SHTN1: variants seen among roughly 807,000 people sequenced by gnomAD.
The protein encoded by SHTN1 is shootin 1, also known as shootin-1.
A neutral mutation model predicts 83.1 loss-of-function variants in SHTN1; 42 were observed. The ratio of observed to expected loss-of-function variants is 0.51; its 90% CI spans 0.39 to 0.65. SHTN1 has a LOEUF of 0.65. SHTN1 is among the 30% of genes least tolerant of loss of function. The probability of loss-of-function intolerance (pLI) is 0.00; values close to 1 mark genes in which losing one functional copy is unlikely to be tolerated. For missense variants in SHTN1, 622 were observed against 737.8 expected, an observed-to-expected ratio of 0.84 and a Z score of 1.82; for synonymous variants, 224 against 247.7, an observed-to-expected ratio of 0.90 and a Z score of 0.90.
intron 1 of SHTN1, among the ~76,000 whole-genome samples, chr10:117,116,398 A>G (rs2133642892): frequency 6.6e-6 from 1 of 152,304 alleles, no homozygotes; most frequent in South Asian, 2.1e-4. Context: ...ACCAGTAACA[A>G]GTAATGAGAT....
intron 1 of SHTN1, among the ~76,000 whole-genome samples, chr10:117,003,144 A>T (rs1429881298): frequency 6.6e-6 from 1 of 152,090 alleles, no homozygotes; most frequent in Non-Finnish European, 1.5e-5. Context: ...AACCATAAGA[A>T]GATCTGATAT....
At position 116,960,220 on chromosome 10, in the gene SHTN1, C is replaced by T; in HGVS notation, c.183G>A (p.Met61Ile). 6.3e-7 allele frequency: 1 copy of T among 1,595,262 alleles called. No homozygotes were observed. ...KLEEFQKISH[M>I]VIEEVNFMQN... ...GCATGAAATTAACTTCCTCTATGAC[C>T]ATGTGAGAAACTAGGAATGAGGGGG... The change falls in exon 4 of 17, where the codon ATG becomes ATA. Residue 61 changes from methionine (M) to isoleucine (I), a missense_variant. Around this residue, in one of 3 missense-constraint regions of SHTN1, gnomAD observed 383 missense variants for 455.8 expected, o/e 0.84. Transcript: ENST00000355371.
intron 1 of SHTN1, among the ~76,000 whole-genome samples, chr10:117,055,826 C>A (rs1009092483): frequency 6.6e-6 from 1 of 152,176 alleles, no homozygotes; most frequent in Non-Finnish European, 1.5e-5. Flanking sequence ...TGTGGTCATG[C>A]CACTGTACTA....
chr10:117,039,374 A>G (rs1447348016), intron 2 of SHTN1, among the ~76,000 whole-genome samples: 1 of 152,154 alleles, frequency 6.6e-6, no homozygotes, highest in Non-Finnish European at 1.5e-5. Flanking sequence ...TAGGGCAGGG[A>G]CTTTACTCTG....
At position 117,103,398 on chromosome 10, in the gene SHTN1, T is replaced by G. The variant is rs556671124; in HGVS notation, c.-189+22909A>C. 5.3e-5 allele frequency among the ~76,000 whole-genome samples: 8 copies of G among 152,112 alleles called. No individual in the cohort carries two copies. The South Asian group carries it at 1.7e-3, about 32-fold the overall frequency. On this transcript the variant is annotated intron_variant, in intron 1 of 17. Transcript: ENST00000392901. ...GAGCCACCACACCCAGCCTCGTTGTTCATTTTTTACCTGACAGAAACAGAA... is the reference window on the plus strand; with the variant it reads ...GAGCCACCACACCCAGCCTCGTTGTGCATTTTTTACCTGACAGAAACAGAA...
chr10:116,921,511 A>C lies in SHTN1; in HGVS notation c.1118T>G (p.Leu373Arg). 6.2e-7 allele frequency: 1 copy of C among 1,612,612 alleles called. No individual in the cohort carries two copies. The highest frequency in any genetic ancestry group is 8.5e-7 in the Non-Finnish European group (1 of 1,179,322). ...GGATCGTTTCCGGATCATGGACATG[A>C]GGGATCTTTGGGAGAAAGAAAAAGA... ...PPPPPNPIRS[L>R]MSMIRKRSHP... The change falls in exon 12 of 17, where the codon CTC becomes CGC. Residue 373 changes from leucine (L) to arginine (R), a missense_variant. Leu to Arg is a moderately radical substitution (Grantham distance 102, BLOSUM62 -2). This residue lies in a region of SHTN1 where 383 missense variants were observed against 455.8 expected (regional missense o/e 0.84). Transcript: ENST00000355371.
At chr10:117,084,580 C>A (rs1282530511) in intron 1 of SHTN1, among the ~76,000 whole-genome samples, 2 of 152,184 alleles carry the variant, frequency 1.3e-5, no homozygotes, top group African/African-American at 2.4e-5. Flanking sequence ...TCGAGCTTCC[C>A]GGCTGCTTTG....
intron 1 of SHTN1, among the ~76,000 whole-genome samples, chr10:116,982,834 C>T (rs539394095): frequency 1.5e-4 from 23 of 152,134 alleles, no homozygotes; most frequent in South Asian, 4.2e-4. Flanking sequence ...TGGCAGCACA[C>T]GCCTGTAATC....
chr10:117,085,003 C>G (rs572510670), intron 1 of SHTN1, among the ~76,000 whole-genome samples: 1 of 152,072 alleles, frequency 6.6e-6, no homozygotes. Context: ...TCTTCTGGGT[C>G]GCTCAGGCTG....
intron 1 of SHTN1, among the ~76,000 whole-genome samples, chr10:117,049,145 T>C (rs1340982276): frequency 2.6e-5 from 4 of 152,102 alleles, no homozygotes; most frequent in African/African-American, 9.7e-5. Context: ...GAGTGATCAA[T>C]GGAAAGGGAC....
At chr10:117,087,211 C>A (rs1853364117) in intron 1 of SHTN1, among the ~76,000 whole-genome samples, 1 of 152,082 alleles carries the variant, frequency 6.6e-6, no homozygotes, top group Admixed American at 6.6e-5. Flanking sequence ...GATAATTATA[C>A]AACATTATGA....
At chr10:117,067,092 T>C (rs1376288630) in intron 1 of SHTN1, among the ~76,000 whole-genome samples, 1 of 152,144 alleles carries the variant, frequency 6.6e-6, no homozygotes, top group African/African-American at 2.4e-5. Context: ...GGGCAACATA[T>C]ACATATGCCT....
At chr10:116,997,492 C>T (rs1055556476) in intron 1 of SHTN1, among the ~76,000 whole-genome samples, 2 of 152,138 alleles carry the variant, frequency 1.3e-5, no homozygotes, top group African/African-American at 2.4e-5. Context: ...AGACTTTACT[C>T]ATTTTTATGA....
chr10:117,023,961 A>G (rs1485841130), intron 2 of SHTN1: 4 of 152,674 alleles, frequency 2.6e-5, no homozygotes, highest in African/African-American at 9.6e-5. Flanking sequence ...TGAACAGAGT[A>G]ATATGAATTG....
At chr10:117,086,798 A>C (rs986093895) in intron 1 of SHTN1, among the ~76,000 whole-genome samples, 1 of 152,238 alleles carries the variant, frequency 6.6e-6, no homozygotes, top group Non-Finnish European at 1.5e-5. Context: ...AGATACGTGG[A>C]CAGCAATGTT....
At chr10:116,982,703 T>TC (rs1851069517) in intron 1 of SHTN1, among the ~76,000 whole-genome samples, 1 of 152,108 alleles carries the variant, frequency 6.6e-6, no homozygotes, top group South Asian at 2.1e-4. Flanking sequence ...ACGCCTGTAA[T>TC]CCCAACATGT....
chr10:116,901,654 T>A, intron 16 of SHTN1, 111 bp downstream of exon 16: 3 of 1,355,062 alleles, frequency 2.2e-6, no homozygotes, highest in Non-Finnish European at 2.8e-6. Flanking sequence ...AGAAGAGAAT[T>A]TACCGGCGAG....
At chr10:116,911,490 T>C (rs1348217205) in intron 14 of SHTN1, 1 of 1,550,472 alleles carries the variant, frequency 6.4e-7, no homozygotes, top group Non-Finnish European at 8.7e-7. Context: ...GACCCTTACA[T>C]ATGGCCAGCC....
chr10:117,100,936 T>C (rs937140113), intron 1 of SHTN1, among the ~76,000 whole-genome samples: 1 of 151,454 alleles, frequency 6.6e-6, no homozygotes, highest in Non-Finnish European at 1.5e-5. Context: ...GGGTGGGGAG[T>C]AGTCAAGATG....
Sources: gnomAD v4.1 joint callset for allele counts (sites outside exome capture counted in the v4.1 genomes callset) on GRCh38, gnomAD v4.1.1 for gene constraint, gnomAD v4.1.1 regional missense constraint, MANE v1.5 for transcripts, NCBI Gene and HGNC (gene_info 2026-07-23, HGNC 2026-07-21) for gene names.